Variants in FGF18 observed in about 807,000 individuals in gnomAD.
The protein encoded by FGF18 is fibroblast growth factor 18.
Under a neutral mutation model 23.0 loss-of-function variants are expected in FGF18, and 5 were observed. The observed-to-expected ratio is 0.22, with a 90% CI of 0.11 to 0.46. The LOEUF (loss-of-function observed/expected upper bound fraction) is 0.46. Ranked by LOEUF, FGF18 falls within the 20% of genes least tolerant of loss-of-function variation. The pLI, the probability that FGF18 is intolerant of heterozygous loss-of-function variation, is 0.99. For missense variants in FGF18, 180 were observed against 291.6 expected (o/e 0.62, Z 2.79); for synonymous variants, 117 against 118.9 (o/e 0.98, Z 0.10).
rs551041819 is a variant in FGF18, at chr5:171,420,932, G to T, written c.69+489G>T. Among the ~76,000 whole-genome samples the T allele has an allele frequency of 6.6e-5, 10 of 152,338 alleles. No individual in the cohort carries two copies. The South Asian group carries it at 2.1e-3, about 32-fold the overall frequency. On this transcript the variant is annotated intron_variant, in intron 2 of 4. Coordinates refer to ENST00000274625, the MANE Select transcript of FGF18 (RefSeq NM_003862.3). ...CTTGCAGCACTGAGACACACACACA[G>T]ACACACACACATGCCCGGGACGAGG... is the stretch of plus-strand genomic sequence containing the variant.
intron 3 of FGF18, among the ~76,000 whole-genome samples, chr5:171,439,891 G>A (rs1270289683): frequency 1.3e-5 from 2 of 151,216 alleles, no homozygotes; most frequent in African/African-American, 4.9e-5. Context: ...CTCTGTTTGA[G>A]AAAAAAAAAT....
At chr5:171,423,215 C>T (rs1233303598) in intron 2 of FGF18, among the ~76,000 whole-genome samples, 1 of 152,214 alleles carries the variant, frequency 6.6e-6, no homozygotes, top group Non-Finnish European at 1.5e-5. Context: ...CACCCGCTGG[C>T]CACCCTGGGA....
intron 4 of FGF18, 49 bp downstream of exon 4, chr5:171,449,302 G>T: frequency 7.6e-7 from 1 of 1,319,090 alleles, no homozygotes; most frequent in Non-Finnish European, 1.1e-6. Flanking sequence ...CCCTCTGGCA[G>T]CTCTGGGAGC....
chr5:171,447,040 G>T (rs946808040), intron 3 of FGF18, among the ~76,000 whole-genome samples: 8 of 152,112 alleles, frequency 5.3e-5, no homozygotes, highest in African/African-American at 1.9e-4. Flanking sequence ...GCAGTTTGTA[G>T]GAAACTTAAA....
chr5:171,422,771 G>A lies in FGF18; in HGVS notation c.69+2328G>A, dbSNP rs141545135. ...AGTTCAAGCTCCTTTAGGGTGAGCC[G>A]GGGCCAGGGAGGCCTCTCTACATGG... On this transcript the variant is annotated intron_variant, in intron 2 of 4. Coordinates refer to ENST00000274625, the MANE Select transcript of FGF18 (RefSeq NM_003862.3). Among the ~76,000 whole-genome samples, 11 of 152,258 alleles carry A rather than the reference G, an allele frequency of 7.2e-5. No homozygotes were observed. The South Asian group carries it at 8.3e-4, about 11-fold the overall frequency.
chr5:171,445,341 C>G (rs1157456963), intron 3 of FGF18, among the ~76,000 whole-genome samples: 1 of 151,996 alleles, frequency 6.6e-6, no homozygotes, highest in Admixed American at 6.6e-5. Context: ...AGAGAAGGGA[C>G]ACAACTAAAT....
intron 2 of FGF18, among the ~76,000 whole-genome samples, chr5:171,426,739 G>C (rs889984018): frequency 1.6e-4 from 25 of 152,246 alleles, no homozygotes; most frequent in African/African-American, 6.0e-4. Flanking sequence ...TTACCCGCCT[G>C]GGTATCAGTG....
intron 2 of FGF18, among the ~76,000 whole-genome samples, chr5:171,428,638 C>T (rs1469295474): frequency 1.3e-5 from 2 of 152,210 alleles, no homozygotes; most frequent in African/African-American, 4.8e-5. Flanking sequence ...TCCAAGCTGA[C>T]TGGGGTGGCT....
rs1252443473 is a variant in FGF18 at position 171,434,907 on chromosome 5, G to A, written c.70-1186G>A. Among the ~76,000 whole-genome samples, 1 of 151,960 alleles carries A rather than the reference G, an allele frequency of 6.6e-6. No individual in the cohort carries two copies. Among genetic ancestry groups the A allele is most frequent in the African/African-American group, 2.4e-5 (1 of 41,338 alleles). On this transcript the variant is annotated intron_variant, in intron 2 of 4. Coordinates refer to ENST00000274625, the MANE Select transcript of FGF18 (RefSeq NM_003862.3). This position sits in a 1 kb window ranked among gnomAD's most constrained non-coding sequence, Gnocchi z 4.6. ...GAAGCGCAAAGCATGGTTGAGGGGAGGGAGAGTGTCAGAGCTGGAGGTGGC... is the reference window on the plus strand; with the variant it reads ...GAAGCGCAAAGCATGGTTGAGGGGAAGGAGAGTGTCAGAGCTGGAGGTGGC...
chr5:171,454,153 G>T (rs936257043), intron 4 of FGF18, among the ~76,000 whole-genome samples: 1 of 152,146 alleles, frequency 6.6e-6, no homozygotes, highest in African/African-American at 2.4e-5. Flanking sequence ...CTTGAATGGA[G>T]TCTTGAATGA....
chr5:171,423,465 G>A (rs1772048652), intron 2 of FGF18, among the ~76,000 whole-genome samples: 2 of 152,186 alleles, frequency 1.3e-5, no homozygotes, highest in South Asian at 2.1e-4. Context: ...CTAGGTCCTG[G>A]CCTTCCCCAG....
chr5:171,449,589 G>A (rs1387440005), intron 4 of FGF18, among the ~76,000 whole-genome samples: 1 of 151,876 alleles, frequency 6.6e-6, no homozygotes, highest in African/African-American at 2.4e-5. Context: ...TCCTTGAGGG[G>A]CTCTGGGGCA....
chr5:171,442,072 A>C (rs966995612), intron 3 of FGF18, among the ~76,000 whole-genome samples: 3 of 152,042 alleles, frequency 2.0e-5, no homozygotes, highest in Non-Finnish European at 4.4e-5. Context: ...CATGTCCCAC[A>C]ACTTCTGTCC....
chr5:171,424,105 A>G lies in FGF18; in HGVS notation c.69+3662A>G, dbSNP rs546714956. ...CAACATCATCCATCCATCCACAGTC[A>G]GGTATTCATTCAGCACATACTTGCT... On this transcript the variant is annotated intron_variant, in intron 2 of 4. Transcript: ENST00000274625. 3.6e-4 allele frequency among the ~76,000 whole-genome samples: 55 copies of G among 152,284 alleles called. 1 individual carries two copies. The highest frequency in any genetic ancestry group is 1.3e-3 in the African/African-American group (54 of 41,562).
intron 3 of FGF18, among the ~76,000 whole-genome samples, chr5:171,441,628 TTA>T (rs1482914014): frequency 2.0e-5 from 3 of 152,186 alleles, no homozygotes. Flanking sequence ...CGACCTGCTG[TTA>T]TATATTTAGT....
intron 2 of FGF18, among the ~76,000 whole-genome samples, chr5:171,423,948 A>C (rs190333777): frequency 1.3e-5 from 2 of 152,018 alleles, no homozygotes; most frequent in South Asian, 2.1e-4. Flanking sequence ...TATTTTTAGT[A>C]GAGACAGGGT....
intron 2 of FGF18, among the ~76,000 whole-genome samples, chr5:171,432,853 G>A (rs150598627): frequency 6.6e-6 from 1 of 152,204 alleles, no homozygotes; most frequent in Non-Finnish European, 1.5e-5. Context: ...ACTTTTGGCC[G>A]CCGCCTTTTG....
chr5:171,428,477 C>T (rs540249599), intron 2 of FGF18, among the ~76,000 whole-genome samples: 2 of 152,164 alleles, frequency 1.3e-5, no homozygotes, highest in Admixed American at 6.5e-5. Flanking sequence ...AGATGTTTCA[C>T]GTAGACCTTG....
rs1771979253 is a variant in FGF18, at chr5:171,420,115, C to CGGCGGCGGA, written c.-80_-72dup. The stretch of plus-strand genomic sequence containing the variant: ...GCAGCAGCGGCGGCGGCGGCGGCGG[C>CGGCGGCGGA]GGCGGCGGAGGCGCCCGGTCCCGGC... On this transcript the variant is annotated 5_prime_UTR_variant, in exon 1 of 5. Coordinates refer to ENST00000274625, the MANE Select transcript of FGF18 (RefSeq NM_003862.3). The CGGCGGCGGA allele has an allele frequency of 8.5e-7, 1 of 1,181,356 alleles. No individual in the cohort carries two copies. Among genetic ancestry groups the CGGCGGCGGA allele is most frequent in the Admixed American group, 4.2e-5 (1 of 23,756 alleles). 73.2% of individuals were successfully genotyped at this position (1,181,356 alleles called of 1,614,324 possible). A position where few individuals can be genotyped will look rare whatever the true frequency, so the allele number is the denominator to read the frequency against.
Sources: gnomAD v4.1 joint callset for allele counts (sites outside exome capture counted in the v4.1 genomes callset) on GRCh38, gnomAD v4.1.1 for gene constraint, Gnocchi (gnomAD v3.1) non-coding constraint, MANE v1.5 for transcripts, NCBI Gene and HGNC (gene_info 2026-07-23, HGNC 2026-07-21) for gene names.